The following ASTN2 variants were observed in gnomAD, a reference collection of about 807,000 sequenced individuals.
ASTN2 encodes astrotactin-2.
ASTN2 carries 54 observed loss-of-function variants against 139.8 expected under a neutral mutation model. The observed-to-expected ratio is 0.39, with a 90% confidence interval of 0.31 to 0.48. The LOEUF is 0.48. Ranked by LOEUF, ASTN2 falls within the 20% of genes least tolerant of loss-of-function variation. The probability of loss-of-function intolerance (pLI) is 0.95; values close to 1 mark genes in which losing one functional copy is unlikely to be tolerated. For missense variants in ASTN2, 1,565 were observed against 1,725.1 expected (o/e 0.91, Z 1.64); for synonymous variants, 756 against 719.5 (o/e 1.05, Z -0.81).
In ASTN2 at chr9:116,554,052, T is replaced by C. The variant is rs193286081; in HGVS notation, c.3355+64272A>G. Among the ~76,000 whole-genome samples, 412 of 152,342 alleles carry C rather than the reference T, an allele frequency of 2.7e-3. 2 individuals carry two copies. Among genetic ancestry groups the C allele is most frequent in the African/African-American group, 9.5e-3 (393 of 41,584 alleles). ...ACATGCCTGTGACTTATTTACTTTTTAGTTTTTATAATTTAGCACAGATTA... is the reference window on the plus strand; with the variant it reads ...ACATGCCTGTGACTTATTTACTTTTCAGTTTTTATAATTTAGCACAGATTA... On this transcript the variant is annotated intron_variant, in intron 19 of 22. Transcript: ENST00000313400.
chr9:116,802,080 T>G, intron 13 of ASTN2, among the ~76,000 whole-genome samples: 1 of 102,568 alleles, frequency 9.7e-6, no homozygotes, highest in Admixed American at 1.3e-4. Context: ...TCTTTCTTTC[T>G]TTCTTTTTTT....
intron 19 of ASTN2, among the ~76,000 whole-genome samples, chr9:116,502,957 A>C (rs1849942296): frequency 7.2e-6 from 1 of 138,928 alleles, no homozygotes; most frequent in African/African-American, 2.7e-5. Context: ...AAAAGGAAGG[A>C]GGAAGAAAAG....
At chr9:117,358,905 G>C (rs552883392) in intron 1 of ASTN2, among the ~76,000 whole-genome samples, 1 of 151,890 alleles carries the variant, frequency 6.6e-6, no homozygotes, top group African/African-American at 2.4e-5. Flanking sequence ...TTCTGCAAAG[G>C]CCTACCCAAC....
intron 4 of ASTN2, among the ~76,000 whole-genome samples, chr9:117,110,234 G>A (rs1226448711): frequency 2.0e-5 from 3 of 151,906 alleles, no homozygotes; most frequent in African/African-American, 7.3e-5. Flanking sequence ...GGTCCTTTTG[G>A]GAAGCAATTT....
chr9:117,251,112 G>A (rs111350862), intron 2 of ASTN2, among the ~76,000 whole-genome samples: 1,837 of 152,238 alleles, frequency 0.012, 21 homozygotes, highest in Middle Eastern at 0.024. Context: ...TCCTCGCTTT[G>A]CAGAGGAGAA....
rs9775415 is a variant in ASTN2, at chr9:116,681,222, T to C, written c.2807-29429A>G. 6.6e-3 allele frequency among the ~76,000 whole-genome samples: 1,009 copies of C among 152,102 alleles called. 11 individuals are homozygous for C. Among genetic ancestry groups the C allele is most frequent in the African/African-American group, 0.023 (947 of 41,516 alleles). On this transcript the variant is annotated intron_variant, in intron 16 of 22. Coordinates refer to ENST00000313400, the MANE Select transcript of ASTN2 (RefSeq NM_001365068.1). Reference sequence around the variant, plus strand: ...TACAAAAATCACAAGCATTCTTATATACCAATAACAGACAAACGGAGAGCC... The same window carrying C: ...TACAAAAATCACAAGCATTCTTATACACCAATAACAGACAAACGGAGAGCC...
chr9:117,180,479 T>C, intron 3 of ASTN2: 1 of 577,736 alleles, frequency 1.7e-6, no homozygotes, highest in Non-Finnish European at 3.0e-6. Context: ...AGGGAAGTTC[T>C]CATCCACATC....
intron 11 of ASTN2, among the ~76,000 whole-genome samples, chr9:116,845,193 C>G (rs543738579): frequency 6.6e-6 from 1 of 152,304 alleles, no homozygotes; most frequent in African/African-American, 2.4e-5. Flanking sequence ...CGGCTCAATG[C>G]AAGCTCCACC....
At chr9:117,218,324 G>T (rs1010238960) in intron 2 of ASTN2, among the ~76,000 whole-genome samples, 3 of 152,160 alleles carry the variant, frequency 2.0e-5, no homozygotes, top group African/African-American at 7.2e-5. Context: ...CAGGTTCATT[G>T]TCCTCACTCC....
intron 19 of ASTN2, among the ~76,000 whole-genome samples, chr9:116,513,563 G>A (rs190137138): frequency 6.6e-6 from 1 of 152,306 alleles, no homozygotes; most frequent in African/African-American, 2.4e-5. Context: ...CTAGGTTGGG[G>A]AAGCTCTTCT....
chr9:116,864,600 G>T (rs888874065), intron 10 of ASTN2, among the ~76,000 whole-genome samples: 1 of 152,258 alleles, frequency 6.6e-6, no homozygotes, highest in South Asian at 2.1e-4. Context: ...TTGCTCTGGG[G>T]TATATGATTC....
intron 17 of ASTN2, among the ~76,000 whole-genome samples, chr9:116,631,392 G>T (rs1378799306): frequency 6.6e-6 from 1 of 152,116 alleles, no homozygotes; most frequent in Non-Finnish European, 1.5e-5. Flanking sequence ...ACCATCAAAA[G>T]AATAAAATTC....
chr9:116,542,333 G>A (rs893579108), intron 19 of ASTN2, among the ~76,000 whole-genome samples: 6 of 152,236 alleles, frequency 3.9e-5, no homozygotes, highest in African/African-American at 1.4e-4. Flanking sequence ...TAAACTTTTA[G>A]TGGTTTATAA....
intron 3 of ASTN2, among the ~76,000 whole-genome samples, chr9:117,145,292 T>A (rs1207259323): frequency 6.6e-6 from 1 of 152,082 alleles, no homozygotes; most frequent in African/African-American, 2.4e-5. Context: ...GCTGAGAACA[T>A]GAGCTTCTGT....
intron 20 of ASTN2, among the ~76,000 whole-genome samples, chr9:116,486,538 A>G (rs560784437): frequency 6.6e-6 from 1 of 152,348 alleles, no homozygotes; most frequent in Admixed American, 6.5e-5. Flanking sequence ...TACAGTAATA[A>G]ATAAATGAGT....
chr9:116,484,090 A>G (rs114393712), intron 20 of ASTN2, among the ~76,000 whole-genome samples: 46 of 152,302 alleles, frequency 3.0e-4, no homozygotes, highest in African/African-American at 1.1e-3. Context: ...GTTCCTTCCA[A>G]AGATAGTGGG....
intron 5 of ASTN2, among the ~76,000 whole-genome samples, chr9:117,062,563 A>G (rs1839324499): frequency 6.6e-6 from 1 of 152,152 alleles, no homozygotes; most frequent in African/African-American, 2.4e-5. Context: ...GCAGATGGAG[A>G]ATCAGAGAAA....
chr9:116,852,878 TACACACAC>T (rs3040211), intron 11 of ASTN2, among the ~76,000 whole-genome samples: 82 of 134,334 alleles, frequency 6.1e-4, no homozygotes, highest in East Asian at 5.3e-3. Flanking sequence ...AAGGGGAAAA[TACACACAC>T]ACACACACAC....
At chr9:116,715,192 T>G (rs960827347) in intron 16 of ASTN2, among the ~76,000 whole-genome samples, 5 of 152,028 alleles carry the variant, frequency 3.3e-5, no homozygotes, top group African/African-American at 7.2e-5. Context: ...TTGTTTTCAC[T>G]TAATTTAAGG....
Sources: gnomAD v4.1 joint callset for allele counts (sites outside exome capture counted in the v4.1 genomes callset) on GRCh38, gnomAD v4.1.1 for gene constraint, MANE v1.5 for transcripts, NCBI Gene and HGNC (gene_info 2026-07-23, HGNC 2026-07-21) for gene names.